SQOR: variants seen among roughly 807,000 people sequenced by gnomAD.
SQOR encodes the protein sulfide quinone oxidoreductase.
SQOR carries 39 observed loss-of-function variants against 48.6 expected under a neutral mutation model. That is an observed-to-expected ratio of 0.80 (90% confidence interval 0.62 to 1.05). The LOEUF is 1.05. SQOR is among the 50% of genes least tolerant of loss of function. The pLI is 0.00. For synonymous variants in SQOR, 220 were observed against 206.2 expected (o/e 1.07, Z -0.57); for missense variants, 561 against 559.9 (o/e 1.00, Z -0.02).
chr15:45,650,370 G>A (rs997269382), intron 1 of SQOR, among the ~76,000 whole-genome samples: 2 of 152,200 alleles, frequency 1.3e-5, no homozygotes, highest in African/African-American at 2.4e-5. Context: ...TCCTTCTAAC[G>A]TTCGAATGTG....
intron 1 of SQOR, among the ~76,000 whole-genome samples, chr15:45,657,521 CA>C: frequency 6.6e-6 from 1 of 152,130 alleles, no homozygotes; most frequent in Admixed American, 6.5e-5. Flanking sequence ...CGTGGGCCTC[CA>C]AATCCCCTTC....
intron 1 of SQOR, among the ~76,000 whole-genome samples, 164 bp downstream of exon 1, chr15:45,635,272 G>T (rs1463026506): frequency 1.3e-5 from 2 of 152,198 alleles, no homozygotes; most frequent in Non-Finnish European, 2.9e-5. Flanking sequence ...CTCAACTCCG[G>T]ACACCTGCAG....
In SQOR at chr15:45,659,193, T is replaced by C. The variant is rs566469105; in HGVS notation, c.234+36T>C. The C allele has an allele frequency of 5.5e-6, 8 of 1,449,730 alleles. No homozygotes were observed. The South Asian group carries it at 9.7e-5, about 18-fold the overall frequency. The allele number at this position is 1,449,730 out of a possible 1,614,324, so 89.8% of individuals were successfully genotyped here. On this transcript the variant is annotated intron_variant, in intron 2 of 9. Transcript: ENST00000260324. ...CCTTTTGAGGGCCTGGGTGTGTGTG[T>C]ACGTGTGTGTGTGTGTGAGTGTGTG...
rs762958293 is a variant in SQOR at position 45,669,911 on chromosome 15, G to A, written c.406-17G>A. ...TTCTTGAGTCCTGGTCTAAAATAAT[G>A]TCTTTTTGTGTTGCAGATCTCCTAC... On this transcript the variant is annotated splice_polypyrimidine_tract_variant and intron_variant, in intron 3 of 9. Coordinates refer to ENST00000260324, the MANE Select transcript of SQOR (RefSeq NM_021199.4). 2.5e-6 allele frequency: 4 copies of A among 1,612,658 alleles called. No individual in the cohort carries two copies. Among genetic ancestry groups the A allele is most frequent in the Non-Finnish European group, 2.5e-6 (3 of 1,178,684 alleles).
chr15:45,651,351 C>G (rs560267111), intron 1 of SQOR, among the ~76,000 whole-genome samples: 1 of 152,082 alleles, frequency 6.6e-6, no homozygotes, highest in South Asian at 2.1e-4. Flanking sequence ...GGCCCGCGAG[C>G]GTCGCTGGCA....
intron 5 of SQOR, among the ~76,000 whole-genome samples, chr15:45,674,191 C>T (rs1889994252): frequency 6.6e-6 from 1 of 152,160 alleles, no homozygotes; most frequent in Non-Finnish European, 1.5e-5. Context: ...AATCCCAGCA[C>T]TTTGGGAGGC....
intron 2 of SQOR, among the ~76,000 whole-genome samples, chr15:45,660,559 G>A (rs1335702547): frequency 6.6e-6 from 1 of 152,192 alleles, no homozygotes; most frequent in Non-Finnish European, 1.5e-5. Context: ...GCCCCGTGAG[G>A]AAGTACAGGA....
intron 1 of SQOR, among the ~76,000 whole-genome samples, chr15:45,655,425 A>T (rs997814498): frequency 6.6e-6 from 1 of 152,226 alleles, no homozygotes; most frequent in Non-Finnish European, 1.5e-5. Context: ...GACTGGGTAC[A>T]CACCATAAAA....
intron 1 of SQOR, among the ~76,000 whole-genome samples, chr15:45,647,780 G>C (rs75359417): frequency 6.6e-6 from 1 of 151,888 alleles, no homozygotes; most frequent in Non-Finnish European, 1.5e-5. Context: ...GCTGGGCGTG[G>C]TTGTGGGTGC....
intron 3 of SQOR, among the ~76,000 whole-genome samples, chr15:45,665,004 A>G (rs1392731829): frequency 1.3e-5 from 2 of 152,168 alleles, no homozygotes; most frequent in Non-Finnish European, 2.9e-5. Flanking sequence ...ACACAGGGCC[A>G]GGAGACCTCT....
intron 7 of SQOR, among the ~76,000 whole-genome samples, chr15:45,683,888 A>T (rs1001586189): frequency 1.1e-4 from 15 of 139,454 alleles, no homozygotes; most frequent in African/African-American, 3.7e-4. Context: ...ATATATATAT[A>T]TATTTTTGTT....
intron 4 of SQOR, 106 bp from the exon 5 acceptor site, chr15:45,673,501 A>T: frequency 1.6e-6 from 2 of 1,233,670 alleles, no homozygotes; most frequent in Non-Finnish European, 1.1e-6. Flanking sequence ...ATTGGAGGGT[A>T]ATGATAGTAC....
chr15:45,691,087 G>A lies in SQOR; in HGVS notation c.*57G>A. Reference sequence around the variant, plus strand: ...CTTCTGGGCCAAAACTGCAGTCACTGAATGACCAAGAGCAGCACGAAGGAC... The same window carrying A: ...CTTCTGGGCCAAAACTGCAGTCACTAAATGACCAAGAGCAGCACGAAGGAC... On this transcript the variant is annotated 3_prime_UTR_variant, in exon 10 of 10. Transcript: ENST00000260324. 2 of 1,446,100 alleles carry A rather than the reference G, an allele frequency of 1.4e-6. No individual in the cohort carries two copies. Among genetic ancestry groups the A allele is most frequent in the East Asian group, 2.3e-5 (1 of 44,106 alleles). 89.6% of individuals were successfully genotyped at this position (1,446,100 alleles called of 1,614,324 possible). A position where few individuals can be genotyped will look rare whatever the true frequency, so the allele number is the denominator to read the frequency against.
intron 6 of SQOR, among the ~76,000 whole-genome samples, chr15:45,679,143 G>T: frequency 6.6e-6 from 1 of 152,198 alleles, no homozygotes; most frequent in East Asian, 1.9e-4. Flanking sequence ...TGTAATTAAA[G>T]AAGATATTTG....
chr15:45,658,968 C>A lies in SQOR; in HGVS notation c.45C>A (p.Leu15=). ...VAVVSGPRAQ[L]FACLLRLGTQ... ...TGGTATCAGGGCCCCGTGCCCAGCT[C>A]TTTGCCTGCCTGCTCAGGCTGGGCA... Residue 15 remains leucine, a synonymous_variant, in exon 2 of 10, where the codon CTC becomes CTA. Transcript: ENST00000260324. The A allele has an allele frequency of 6.3e-7, 1 of 1,592,180 alleles. No homozygotes were observed. The highest frequency in any genetic ancestry group is 8.6e-7 in the Non-Finnish European group (1 of 1,167,402).
chr15:45,678,986 C>T (rs1271179336), intron 6 of SQOR, among the ~76,000 whole-genome samples: 2 of 152,218 alleles, frequency 1.3e-5, no homozygotes, highest in African/African-American at 4.8e-5. Context: ...AGTAAGAGCC[C>T]GAAGCATCCT....
chr15:45,677,149 C>G (rs1404591037), intron 6 of SQOR, among the ~76,000 whole-genome samples: 1 of 151,958 alleles, frequency 6.6e-6, no homozygotes, highest in East Asian at 1.9e-4. Flanking sequence ...TAGAATTTTA[C>G]CATTTGCTTT....
chr15:45,690,528 T>C (rs1361275821), intron 9 of SQOR, among the ~76,000 whole-genome samples: 1 of 152,188 alleles, frequency 6.6e-6, no homozygotes, highest in African/African-American at 2.4e-5. Flanking sequence ...TTTTTGGTTG[T>C]TACAACTGGA....
chr15:45,653,284 G>C (rs924317102), intron 1 of SQOR, among the ~76,000 whole-genome samples: 1 of 152,124 alleles, frequency 6.6e-6, no homozygotes. Context: ...GCCCCAAGGG[G>C]ACCCACACCT....
Sources: allele counts gnomAD v4.1 joint callset (sites outside exome capture counted in the v4.1 genomes callset), GRCh38; gene constraint gnomAD v4.1.1; transcripts MANE v1.5; gene names NCBI Gene and HGNC (gene_info 2026-07-23, HGNC 2026-07-21).